Variants in PSORS1C1 observed in about 807,000 individuals in gnomAD.
PSORS1C1 encodes the protein psoriasis susceptibility 1 candidate gene 1 protein.
A neutral mutation model predicts 9.4 loss-of-function variants in PSORS1C1; 7 were observed. That is an observed-to-expected ratio of 0.75 (90% CI 0.42 to 1.40). The LOEUF (loss-of-function observed/expected upper bound fraction) is 1.40, where lower values mean the gene tolerates loss of function less well. Ranked by LOEUF, PSORS1C1 falls within the 40% of genes most tolerant of loss-of-function variation. The pLI is 0.01. For missense variants in PSORS1C1, 146 were observed against 178.1 expected, an observed-to-expected ratio of 0.82 and a Z score of 1.02; for synonymous variants, 63 against 69.4, an observed-to-expected ratio of 0.91 and a Z score of 0.46.
chr6:31,117,354 G>T, intron 1 of PSORS1C1: 4 of 1,577,890 alleles, frequency 2.5e-6, no homozygotes, highest in Non-Finnish European at 3.4e-6. Flanking sequence ...TACCACTGGA[G>T]CCACCACCAG....
In PSORS1C1 at chr6:31,117,482, G is replaced by C. The variant is rs568668128; in HGVS notation, c.-229+2591G>C. ...TCGTTAGGGGAGGTGATACGCGTGG[G>C]GTCCTTACAAGGGTCTGAGAAGGTG... On this transcript the variant is annotated intron_variant, in intron 1 of 5. Transcript: ENST00000259881. The C allele has an allele frequency of 2.7e-5, 42 of 1,552,468 alleles. No individual in the cohort carries two copies. In the African/African-American group the frequency reaches 4.8e-4, roughly 18 times the overall value.
intron 1 of PSORS1C1, chr6:31,117,426 G>A (rs140309252): frequency 1.2e-4 from 187 of 1,560,180 alleles, no homozygotes; most frequent in Admixed American, 2.1e-4. Flanking sequence ...TACTGAAACC[G>A]CTGGAGTCAC....
intron 3 of PSORS1C1, among the ~76,000 whole-genome samples, chr6:31,130,935 C>T (rs981057740): frequency 7.9e-5 from 12 of 151,788 alleles, no homozygotes; most frequent in Non-Finnish European, 1.8e-4. Context: ...CTCAAGCAAT[C>T]TTCCACCTCA....
At chr6:31,121,427 C>T (rs3095315) in intron 1 of PSORS1C1, among the ~76,000 whole-genome samples, 24,596 of 152,184 alleles carry the variant, frequency 0.16, 2,250 homozygotes, top group Non-Finnish European at 0.22. Flanking sequence ...GAGGGCCAGG[C>T]AGGCTCCCGG....
chr6:31,115,027 T>G lies in PSORS1C1; in HGVS notation c.-229+136T>G, dbSNP rs1302460332. On this transcript the variant is annotated intron_variant, in intron 1 of 5. Transcript: ENST00000259881. The surrounding 1 kb of genome is among the most constrained non-coding windows in gnomAD (Gnocchi z 4.2). ...AATGAGGAATGGGAAGAGAATGGAT[T>G]TCCTGGAGCAATGAGAGAGGAGGGA... is the stretch of plus-strand genomic sequence containing the variant. 4.7e-5 allele frequency: 18 copies of G among 379,606 alleles called. No homozygotes were observed. Among genetic ancestry groups the G allele is most frequent in the Non-Finnish European group, 9.3e-5 (18 of 192,514 alleles). 23.5% of individuals were successfully genotyped at this position (379,606 alleles called of 1,614,324 possible). A position where few individuals can be genotyped will look rare whatever the true frequency, so the allele number is the denominator to read the frequency against.
chr6:31,139,029 C>A lies in PSORS1C1; in HGVS notation c.167+250C>A, dbSNP rs753302716. 9 of 1,613,880 alleles carry A rather than the reference C, an allele frequency of 5.6e-6. 1 individual carries two copies. The South Asian group carries it at 7.7e-5, about 14-fold the overall frequency. ...AGGAGCTTCCAGTTGAGGATCATGGCTATGTACTGGCCCCCAAAGCTGGGG... is the reference window on the plus strand; with the variant it reads ...AGGAGCTTCCAGTTGAGGATCATGGATATGTACTGGCCCCCAAAGCTGGGG... On this transcript the variant is annotated intron_variant, in intron 5 of 5. Transcript: ENST00000259881. The surrounding 1 kb of genome is among the most constrained non-coding windows in gnomAD (Gnocchi z 5.2).
At chr6:31,116,282 G>A in intron 1 of PSORS1C1, 1 of 1,614,144 alleles carries the variant, frequency 6.2e-7, no homozygotes, top group East Asian at 2.2e-5. Context: ...CAAGGCTGAA[G>A]GATGATTTTG....
chr6:31,128,238 G>A lies in PSORS1C1; in HGVS notation c.-64-1331G>A, dbSNP rs1039725927. On this transcript the variant is annotated intron_variant, in intron 2 of 5. Transcript: ENST00000259881. This position sits in a 1 kb window ranked among gnomAD's most constrained non-coding sequence, Gnocchi z 4.3. Reference sequence around the variant, plus strand: ...CAGGGAGTGGATGACATTAGTGAGGGAAAGAGCAAAGGCTCTGGAGGAAAA... The same window carrying A: ...CAGGGAGTGGATGACATTAGTGAGGAAAAGAGCAAAGGCTCTGGAGGAAAA... Among the ~76,000 whole-genome samples the A allele has an allele frequency of 2.1e-4, 32 of 152,216 alleles. No individual in the cohort carries two copies. Among genetic ancestry groups the A allele is most frequent in the African/African-American group, 7.5e-4 (31 of 41,450 alleles).
At chr6:31,119,509 C>T (rs3130990) in intron 1 of PSORS1C1, among the ~76,000 whole-genome samples, 62,138 of 152,020 alleles carry the variant, frequency 0.41, 13,540 homozygotes, top group African/African-American at 0.57. Flanking sequence ...AATGCATGAT[C>T]TTGAGCTACT....
chr6:31,120,588 C>T, intron 1 of PSORS1C1: 1 of 669,910 alleles, frequency 1.5e-6, no homozygotes, highest in East Asian at 2.7e-5. Flanking sequence ...GGTAATCAGC[C>T]CGGTGCATCT....
rs1772787789 is a variant in PSORS1C1 at position 31,128,777 on chromosome 6, G to A, written c.-64-792G>A. Among the ~76,000 whole-genome samples, 3 of 151,846 alleles carry A rather than the reference G, an allele frequency of 2.0e-5. No homozygotes were observed. The highest frequency in any genetic ancestry group is 4.4e-5 in the Non-Finnish European group (3 of 67,822). On this transcript the variant is annotated intron_variant, in intron 2 of 5. Transcript: ENST00000259881. This position sits in a 1 kb window ranked among gnomAD's most constrained non-coding sequence, Gnocchi z 4.3. ...TTTGAAACATGAAATTGGCAGAGAA[G>A]TTAGGAGTCCCTCCTGGGCTCCTAC...
chr6:31,117,173 A>T, intron 1 of PSORS1C1: 1 of 1,611,926 alleles, frequency 6.2e-7, no homozygotes, highest in African/African-American at 1.3e-5. Context: ...CTGCTTCCCG[A>T]GTGAGAGCCG....
chr6:31,138,141 C>T lies in PSORS1C1; in HGVS notation c.14-289C>T, dbSNP rs748849546. On this transcript the variant is annotated intron_variant, in intron 3 of 5. Coordinates refer to ENST00000259881, the MANE Select transcript of PSORS1C1 (RefSeq NM_014068.3). ...CCAGACTCCAGTTTCAGGCAGGTCTCTCCAGGGACGACTGGGGCGGGTAGG... is the reference window on the plus strand; with the variant it reads ...CCAGACTCCAGTTTCAGGCAGGTCTTTCCAGGGACGACTGGGGCGGGTAGG... 1.9e-6 allele frequency: 3 copies of T among 1,606,064 alleles called. No individual in the cohort carries two copies. The highest frequency in any genetic ancestry group is 4.5e-5 in the East Asian group (2 of 44,844).
At chr6:31,122,965 G>A (rs1772529043) in intron 1 of PSORS1C1, among the ~76,000 whole-genome samples, 1 of 152,160 alleles carries the variant, frequency 6.6e-6, no homozygotes, top group Non-Finnish European at 1.5e-5. Flanking sequence ...TGTGAGGGGA[G>A]AAGGCAGCGG....
At position 31,139,023 on chromosome 6, in the gene PSORS1C1, T is replaced by C; in HGVS notation, c.167+244T>C. On this transcript the variant is annotated intron_variant, in intron 5 of 5. Transcript: ENST00000259881. This position sits in a 1 kb window ranked among gnomAD's most constrained non-coding sequence, Gnocchi z 5.2. ...ATCCCCAGGAGCTTCCAGTTGAGGA[T>C]CATGGCTATGTACTGGCCCCCAAAG... is the stretch of plus-strand genomic sequence containing the variant. 1 of 1,614,056 alleles carries C rather than the reference T, an allele frequency of 6.2e-7. No individual in the cohort carries two copies.
chr6:31,117,910 G>C, intron 1 of PSORS1C1: 1 of 273,124 alleles, frequency 3.7e-6, no homozygotes, highest in South Asian at 4.8e-5. Flanking sequence ...ACCAGCCTGG[G>C]CAACATAGAC....
At chr6:31,125,190 G>A (rs1318626713) in intron 1 of PSORS1C1, among the ~76,000 whole-genome samples, 1 of 152,206 alleles carries the variant, frequency 6.6e-6, no homozygotes, top group Non-Finnish European at 1.5e-5. Context: ...TTGTGCTGAG[G>A]AGAGAAGGAA....
chr6:31,139,142 TCAGAA>T lies in PSORS1C1; in HGVS notation c.167+370_167+374del, dbSNP rs1561777843. On this transcript the variant is annotated intron_variant, in intron 5 of 5. Coordinates refer to ENST00000259881, the MANE Select transcript of PSORS1C1 (RefSeq NM_014068.3). The surrounding 1 kb of genome is among the most constrained non-coding windows in gnomAD (Gnocchi z 5.2). ...CCAGCCCAGTGGCACAGGAATACCA[TCAGAA>T]CAGAACTGGTCAAACCCGTTGGGAA... 1 of 807,958 alleles carries T rather than the reference TCAGAA, an allele frequency of 1.2e-6. No homozygotes were observed. The highest frequency in any genetic ancestry group is 2.1e-6 in the Non-Finnish European group (1 of 479,848). 50.0% of individuals were successfully genotyped at this position (807,958 alleles called of 1,614,324 possible).
At chr6:31,120,628 G>A (rs754406601) in intron 1 of PSORS1C1, among the ~76,000 whole-genome samples, 149 of 152,246 alleles carry the variant, frequency 9.8e-4, no homozygotes, top group Non-Finnish European at 5.3e-4. Context: ...TGGCTGCAGT[G>A]TGGGGTACCC....
Sources: allele counts gnomAD v4.1 joint callset (sites outside exome capture counted in the v4.1 genomes callset), GRCh38; gene constraint gnomAD v4.1.1; non-coding constraint Gnocchi (gnomAD v3.1); transcripts MANE v1.5; gene names NCBI Gene and HGNC (gene_info 2026-07-23, HGNC 2026-07-21).